The following BRSK2 variants were observed in gnomAD, a reference collection of about 807,000 sequenced individuals.
BRSK2 encodes the protein BR serine/threonine kinase 2, also known as serine/threonine-protein kinase BRSK2.
A neutral mutation model predicts 83.3 loss-of-function variants in BRSK2; 19 were observed. That is an observed-to-expected ratio of 0.23 (90% confidence interval 0.16 to 0.33). BRSK2 has a LOEUF of 0.33. Ranked by LOEUF, BRSK2 falls within the 10% of genes least tolerant of loss-of-function variation. BRSK2 has a pLI of 1.00. For missense variants in BRSK2, 798 were observed against 1,042.3 expected (o/e 0.77, Z 3.23); for synonymous variants, 519 against 435.4 (o/e 1.19, Z -2.39).
chr11:1,392,962 C>A (rs989892317), intron 1 of BRSK2, among the ~76,000 whole-genome samples: 2 of 152,154 alleles, frequency 1.3e-5, no homozygotes, highest in African/African-American at 4.8e-5. Context: ...CACTGAGCAT[C>A]TGTGGAAGCC....
At chr11:1,396,311 C>CTCCTCGTCTCT (rs1377694381) in intron 1 of BRSK2, among the ~76,000 whole-genome samples, 1 of 152,062 alleles carries the variant, frequency 6.6e-6, no homozygotes, top group African/African-American at 2.4e-5. Flanking sequence ...CTTACAGCCG[C>CTCCTCGTCTCT]CTCGAGGACT....
chr11:1,449,804 G>T lies in BRSK2; in HGVS notation c.1255G>T (p.Gly419Cys), dbSNP rs1264931885. 1.2e-6 allele frequency: 2 copies of T among 1,612,086 alleles called. No homozygotes were observed. The highest frequency in any genetic ancestry group is 2.7e-5 in the African/African-American group (2 of 74,838). Residue 419 changes from glycine to cysteine, a missense_variant, in exon 13 of 20, where the codon GGC becomes TGC. This residue lies in a region of BRSK2 where 455 missense variants were observed against 455.2 expected (regional missense o/e 1.00). Coordinates refer to ENST00000528841, the MANE Select transcript of BRSK2 (RefSeq NM_001256627.2). Reference sequence around the variant, plus strand: ...TCGGTCCATCAGCGGTGCCTCCTCAGGCCTTTCCACCAGCCCACTCAGCAG... The same window carrying T: ...TCGGTCCATCAGCGGTGCCTCCTCATGCCTTTCCACCAGCCCACTCAGCAG... The part of the protein sequence containing the change: ...RSRSISGASS[G>C]LSTSPLSSPR...
intron 1 of BRSK2, among the ~76,000 whole-genome samples, chr11:1,405,939 A>C (rs1279558158): frequency 6.6e-6 from 1 of 151,588 alleles, no homozygotes; most frequent in Non-Finnish European, 1.5e-5. Flanking sequence ...GCTGGTCTGC[A>C]CCTGTGCCAT....
chr11:1,444,738 G>A (rs772563992), intron 8 of BRSK2, among the ~76,000 whole-genome samples: 6 of 146,494 alleles, frequency 4.1e-5, no homozygotes, highest in Non-Finnish European at 8.9e-5. Context: ...TCTCCTCCTT[G>A]AGGTGTGTGT....
chr11:1,450,631 CAAGGGG>C lies in BRSK2; in HGVS notation c.1334_1339del (p.Lys445_Gly446del). 1 of 1,603,848 alleles carries C rather than the reference CAAGGGG, an allele frequency of 6.2e-7. No individual in the cohort carries two copies. The highest frequency in any genetic ancestry group is 8.5e-7 in the Non-Finnish European group (1 of 1,176,686). ...CAAGGGGCAGTCCCCTCCCCACCCCCAAGGGGACACCTGTCCACACGCCAAAGGAGA... is the reference window on the plus strand; with the variant it reads ...CAAGGGGCAGTCCCCTCCCCACCCCCACACCTGTCCACACGCCAAAGGAGA... On this transcript the variant is annotated inframe_deletion, in exon 14 of 20. Transcript: ENST00000528841.
In BRSK2 at chr11:1,460,106, G is replaced by A. The variant is rs117405852; in HGVS notation, c.1988-394G>A. Reference sequence around the variant, plus strand: ...AAGGTGGGGAGGGAAGGGGGGTGGGGCAGGGCCTTCCGGGCCAGGCCTTGG... The same window carrying A: ...AAGGTGGGGAGGGAAGGGGGGTGGGACAGGGCCTTCCGGGCCAGGCCTTGG... On this transcript the variant is annotated intron_variant, in intron 19 of 19. Coordinates refer to ENST00000528841, the MANE Select transcript of BRSK2 (RefSeq NM_001256627.2). 1.4e-4 allele frequency among the ~76,000 whole-genome samples: 20 copies of A among 144,112 alleles called. No individual in the cohort carries two copies. The South Asian group carries it at 1.4e-3, about 10-fold the overall frequency. The allele number at this position is 144,112 out of a possible 152,430, so 94.5% of individuals were successfully genotyped here.
chr11:1,401,982 C>G (rs1846509176), intron 1 of BRSK2, among the ~76,000 whole-genome samples: 1 of 152,186 alleles, frequency 6.6e-6, no homozygotes, highest in Admixed American at 6.5e-5. Context: ...CAGATGTGTT[C>G]GGTGCCTCCT....
chr11:1,428,672 C>T (rs961462890), intron 1 of BRSK2, among the ~76,000 whole-genome samples: 8 of 152,234 alleles, frequency 5.3e-5, no homozygotes, highest in African/African-American at 1.4e-4. Flanking sequence ...GGATTGTGCT[C>T]TCCACACCTT....
intron 2 of BRSK2, among the ~76,000 whole-genome samples, chr11:1,436,604 G>C (rs1850331367): frequency 6.6e-6 from 1 of 152,182 alleles, no homozygotes; most frequent in Non-Finnish European, 1.5e-5. Context: ...CAGGCCCCCT[G>C]GGTGGAGGGT....
intron 1 of BRSK2, among the ~76,000 whole-genome samples, chr11:1,421,903 G>C (rs1450300263): frequency 6.6e-6 from 1 of 152,014 alleles, no homozygotes; most frequent in East Asian, 1.9e-4. Flanking sequence ...CCAGCACCGG[G>C]GTCTCTGCTG....
chr11:1,450,028 GT>G (rs1845614930), intron 13 of BRSK2, among the ~76,000 whole-genome samples, 192 bp downstream of exon 13: 1 of 152,108 alleles, frequency 6.6e-6, no homozygotes, highest in Non-Finnish European at 1.5e-5. Context: ...CTTTTGTTTT[GT>G]TTTGTTTGTT....
intron 19 of BRSK2, 96 bp from the exon 20 acceptor site, chr11:1,460,404 C>T (rs1442192044): frequency 2.2e-6 from 2 of 912,272 alleles, no homozygotes; most frequent in East Asian, 3.8e-5. Context: ...TTTGTTTGTT[C>T]TCTTTCTCTC....
At position 1,449,727 on chromosome 11, in the gene BRSK2, C is replaced by G. The variant is rs1187541582; in HGVS notation, c.1227-49C>G. The G allele has an allele frequency of 2.0e-6, 3 of 1,529,798 alleles. No homozygotes were observed. In the African/African-American group the frequency reaches 4.1e-5, roughly 21 times the overall value. The allele number at this position is 1,529,798 out of a possible 1,614,324, so 94.8% of individuals were successfully genotyped here. On this transcript the variant is annotated intron_variant, in intron 12 of 19. Coordinates refer to ENST00000528841, the MANE Select transcript of BRSK2 (RefSeq NM_001256627.2). The stretch of plus-strand genomic sequence containing the variant: ...GGGGAGCAGAGCCCAGCACCTGCTG[C>G]TCCACTGCCCCCTGGCTGAGCAGTG...
Position 1,390,364 on chromosome 11 carries a change from A to G in BRSK2, c.80A>G (p.Lys27Arg), listed in dbSNP as rs1435121485. ...GPYRLEKTLG[K>R]GQTGLVKLGV... ...TACCGGCTGGAGAAGACGCTGGGCA[A>G]GGGGCAGACAGGTGCGTGCGGCCGG... Residue 27 changes from lysine to arginine, a missense_variant, in exon 1 of 20, where the codon AAG becomes AGG. By Grantham distance (26) the Lys-to-Arg change is conservative. Transcript: ENST00000528841. This position sits in a 1 kb window ranked among gnomAD's most constrained non-coding sequence, Gnocchi z 6.8. 4 of 1,019,080 alleles carry G rather than the reference A, an allele frequency of 3.9e-6. No homozygotes were observed. The highest frequency in any genetic ancestry group is 1.2e-4 in the Admixed American group (2 of 17,114). The allele number at this position is 1,019,080 out of a possible 1,614,324, so 63.1% of individuals were successfully genotyped here. A position where few individuals can be genotyped will look rare whatever the true frequency, so the allele number is the denominator to read the frequency against.
In BRSK2 at chr11:1,448,148, C is replaced by T. The variant is rs543184253; in HGVS notation, c.1227-1628C>T. ...GTGGCTGCAGGCCGAGCCGCTCCTC[C>T]TGCCAGCCCCTGTGCTGTGTCCGGT... On this transcript the variant is annotated intron_variant, in intron 12 of 19. Transcript: ENST00000528841. Among the ~76,000 whole-genome samples, 34 of 152,328 alleles carry T rather than the reference C, an allele frequency of 2.2e-4. 1 individual carries two copies. The highest frequency in any genetic ancestry group is 7.5e-4 in the African/African-American group (31 of 41,574).
At chr11:1,393,555 T>G (rs918331358) in intron 1 of BRSK2, among the ~76,000 whole-genome samples, 2 of 152,182 alleles carry the variant, frequency 1.3e-5, no homozygotes, top group African/African-American at 4.8e-5. Flanking sequence ...GTTCACCTGC[T>G]GTGGCGTGGG....
rs1219980994 is a variant in BRSK2, at chr11:1,439,424, G to GA, written c.272+1033_272+1034insA. On this transcript the variant is annotated intron_variant, in intron 3 of 19. Coordinates refer to ENST00000528841, the MANE Select transcript of BRSK2 (RefSeq NM_001256627.2). ...TCACCAGAGGACTGGGGGGGCGGGG[G>GA]TGGTCCTGGCCCTGATGCTGGCAAG... Among the ~76,000 whole-genome samples, 15 of 152,066 alleles carry GA rather than the reference G, an allele frequency of 9.9e-5. No individual in the cohort carries two copies. In the South Asian group the frequency reaches 1.0e-3, roughly 11 times the overall value.
At chr11:1,453,566 C>T (rs577197947) in intron 15 of BRSK2, among the ~76,000 whole-genome samples, 18 of 152,308 alleles carry the variant, frequency 1.2e-4, no homozygotes, top group Non-Finnish European at 2.1e-4. Flanking sequence ...ACTGAGGAGG[C>T]GTCGAGGGGC....
intron 1 of BRSK2, among the ~76,000 whole-genome samples, chr11:1,392,329 G>A (rs975649349): frequency 2.6e-5 from 4 of 152,236 alleles, no homozygotes; most frequent in African/African-American, 7.2e-5. Flanking sequence ...TGATCCTGCC[G>A]TTGAGAACGC....
Sources: gnomAD v4.1 joint callset for allele counts (sites outside exome capture counted in the v4.1 genomes callset) on GRCh38, gnomAD v4.1.1 for gene constraint, gnomAD v4.1.1 regional missense constraint, Gnocchi (gnomAD v3.1) non-coding constraint, MANE v1.5 for transcripts, NCBI Gene and HGNC (gene_info 2026-07-23, HGNC 2026-07-21) for gene names.